Variants in CCDC15 observed in about 807,000 individuals in gnomAD.
CCDC15 encodes the protein coiled-coil domain-containing protein 15.
A neutral mutation model predicts 114.5 loss-of-function variants in CCDC15; 105 were observed. The observed-to-expected ratio is 0.92, with a 90% CI of 0.78 to 1.08. The LOEUF (loss-of-function observed/expected upper bound fraction) is 1.08. CCDC15 is among the 50% of genes least tolerant of loss of function. The pLI, the probability that CCDC15 is intolerant of heterozygous loss-of-function variation, is 0.00. For synonymous variants in CCDC15, 334 were observed against 377.8 expected (o/e 0.88, Z 1.34); for missense variants, 1,105 against 1,093.6 (o/e 1.01, Z -0.15).
chr11:125,011,510 A>G (rs1948593365), intron 13 of CCDC15, among the ~76,000 whole-genome samples: 1 of 152,172 alleles, frequency 6.6e-6, no homozygotes, highest in Non-Finnish European at 1.5e-5. Flanking sequence ...TGCTGGGATT[A>G]CAGGGTTGAG....
At chr11:124,975,240 A>C in intron 5 of CCDC15, 31 bp downstream of exon 5, 1 of 1,274,994 alleles carries the variant, frequency 7.8e-7, no homozygotes, top group South Asian at 1.4e-5. Flanking sequence ...TGATTTAAAA[A>C]AATACAGGTA....
chr11:124,988,040 A>G lies in CCDC15; in HGVS notation c.1814A>G (p.Asp605Gly). The G allele has an allele frequency of 6.2e-7, 1 of 1,613,876 alleles. No individual in the cohort carries two copies. The highest frequency in any genetic ancestry group is 8.5e-7 in the Non-Finnish European group (1 of 1,179,766). ...CAAAATATTCTACCCATATGTCAGGACCGGGATTTTCTACCCAGAGACCTG... is the reference window on the plus strand; with the variant it reads ...CAAAATATTCTACCCATATGTCAGGGCCGGGATTTTCTACCCAGAGACCTG... ...KDQNILPICQ[D>G]RDFLPRDLHV... The change falls in exon 8 of 16, where the codon GAC (aspartate) becomes GGC (glycine). Residue 605 changes from aspartate (D) to glycine (G), a missense_variant. By Grantham distance (94) the Asp-to-Gly change is moderately conservative. Transcript: ENST00000344762.
chr11:124,958,741 T>C (rs1008092721), intron 2 of CCDC15, among the ~76,000 whole-genome samples: 3 of 152,104 alleles, frequency 2.0e-5, no homozygotes, highest in Non-Finnish European at 2.9e-5. Flanking sequence ...AATAGGCCTT[T>C]ACTAGGTGGA....
intron 13 of CCDC15, among the ~76,000 whole-genome samples, chr11:125,020,364 T>C (rs1390584825): frequency 6.6e-6 from 1 of 151,990 alleles, no homozygotes; most frequent in Admixed American, 6.6e-5. Flanking sequence ...TCTAGGTCTC[T>C]TAACTTTGTG....
intron 4 of CCDC15, among the ~76,000 whole-genome samples, chr11:124,961,926 G>T (rs550059542): frequency 2.0e-5 from 3 of 152,270 alleles, no homozygotes; most frequent in Admixed American, 2.0e-4. Flanking sequence ...TTTCTAATTG[G>T]TAGTTTATAA....
chr11:124,957,712 G>A (rs1033067998), intron 2 of CCDC15, among the ~76,000 whole-genome samples: 3 of 152,230 alleles, frequency 2.0e-5, no homozygotes, highest in African/African-American at 4.8e-5. Context: ...TTTGACACTT[G>A]TACACTCCAC....
At chr11:124,999,770 A>T (rs745958867) in intron 11 of CCDC15, among the ~76,000 whole-genome samples, 4 of 145,968 alleles carry the variant, frequency 2.7e-5, no homozygotes, top group Admixed American at 2.1e-4. Context: ...TGGAGTTGGG[A>T]TCTGTTTATT....
intron 11 of CCDC15, among the ~76,000 whole-genome samples, chr11:124,999,356 G>T (rs1315816858): frequency 6.6e-6 from 1 of 151,834 alleles, no homozygotes; most frequent in Non-Finnish European, 1.5e-5. Flanking sequence ...ATTTTTTTAT[G>T]TACTAATTAT....
intron 13 of CCDC15, among the ~76,000 whole-genome samples, chr11:125,008,673 GTTC>G (rs1312613490): frequency 1.3e-5 from 2 of 152,028 alleles, no homozygotes; most frequent in African/African-American, 4.8e-5. Context: ...GGTTGAAGAA[GTTC>G]TTCTCCATCA....
intron 4 of CCDC15, among the ~76,000 whole-genome samples, chr11:124,963,536 A>C (rs1947712113): frequency 6.6e-6 from 1 of 152,180 alleles, no homozygotes; most frequent in African/African-American, 2.4e-5. Context: ...TAGATTCTGG[A>C]TATTACCCCT....
chr11:124,978,884 A>G (rs1359431119), intron 6 of CCDC15, among the ~76,000 whole-genome samples: 1 of 151,566 alleles, frequency 6.6e-6, no homozygotes, highest in Non-Finnish European at 1.5e-5. Context: ...TTCTATGTCC[A>G]GATTGATATT....
At chr11:124,999,506 A>G (rs1279964546) in intron 11 of CCDC15, among the ~76,000 whole-genome samples, 1 of 151,374 alleles carries the variant, frequency 6.6e-6, no homozygotes, top group African/African-American at 2.4e-5. Context: ...GATCATTTAT[A>G]TTGATCCAAT....
intron 13 of CCDC15, among the ~76,000 whole-genome samples, chr11:125,026,419 T>C (rs959867522): frequency 6.6e-6 from 1 of 152,184 alleles, no homozygotes; most frequent in African/African-American, 2.4e-5. Context: ...GTGGCTTCTG[T>C]TGGGGAATGA....
intron 13 of CCDC15, among the ~76,000 whole-genome samples, chr11:125,013,098 A>G (rs1042394466): frequency 6.6e-6 from 1 of 152,200 alleles, no homozygotes; most frequent in African/African-American, 2.4e-5. Flanking sequence ...TACTACCATG[A>G]TAGGATGAGC....
In CCDC15 at chr11:125,005,301, C is replaced by T. The variant is rs185872162; in HGVS notation, c.2411+89C>T. ...CTTTAGAAAAAGGTAATGGTTTTGCCCTCTGATCCATATTGAAAACAGCTA... is the reference window on the plus strand; with the variant it reads ...CTTTAGAAAAAGGTAATGGTTTTGCTCTCTGATCCATATTGAAAACAGCTA... On this transcript the variant is annotated intron_variant, in intron 13 of 15. Transcript: ENST00000344762. 2,266 of 548,638 alleles carry T rather than the reference C, an allele frequency of 4.1e-3. 26 individuals are homozygous for T. Among genetic ancestry groups the T allele is most frequent in the South Asian group, 0.01 (317 of 31,150 alleles). The allele number at this position is 548,638 out of a possible 1,614,324, so 34.0% of individuals were successfully genotyped here. A position where few individuals can be genotyped will look rare whatever the true frequency, so the allele number is the denominator to read the frequency against.
Position 125,038,496 on chromosome 11 carries a change from A to G in CCDC15, c.2477A>G (p.His826Arg), listed in dbSNP as rs375001631. 6 of 1,584,400 alleles carry G rather than the reference A, an allele frequency of 3.8e-6. No individual in the cohort carries two copies. The highest frequency in any genetic ancestry group is 2.3e-5 in the East Asian group (1 of 44,048). ...CAGAGGATCCTAAGAATGAACTTTC[A>G]TGAAGATCCATATTCAGGAGAGAAG... ...AEQRILRMNF[H>R]EDPYSGEKLS... The change falls in exon 14 of 16, where the codon CAT becomes CGT. Residue 826 changes from histidine (H) to arginine (R), a missense_variant. Coordinates refer to ENST00000344762, the MANE Select transcript of CCDC15 (RefSeq NM_025004.3).
chr11:124,978,456 C>T (rs939995519), intron 6 of CCDC15, among the ~76,000 whole-genome samples: 5 of 152,186 alleles, frequency 3.3e-5, no homozygotes, highest in East Asian at 1.9e-4. Flanking sequence ...CCACAATGGC[C>T]GAACTAATTT....
intron 11 of CCDC15, among the ~76,000 whole-genome samples, chr11:124,995,484 A>G (rs1004358784): frequency 6.6e-6 from 1 of 152,178 alleles, no homozygotes; most frequent in Non-Finnish European, 1.5e-5. Flanking sequence ...GCTAGTACCT[A>G]GTAGTCACTT....
At position 124,959,222 on chromosome 11, in the gene CCDC15, T is replaced by C; in HGVS notation, c.285T>C (p.Ile95=). 3 of 1,582,824 alleles carry C rather than the reference T, an allele frequency of 1.9e-6. No individual in the cohort carries two copies. The highest frequency in any genetic ancestry group is 2.6e-6 in the Non-Finnish European group (3 of 1,169,308). ...KQVKYRVNQQ[I]RLRKKQQLQK... is the part of the protein sequence containing the mutation. ...TTAAATACCGAGTAAATCAACAAATTAGGTTGAGAAAAAAGCAACAGCTTC... is the reference window on the plus strand; with the variant it reads ...TTAAATACCGAGTAAATCAACAAATCAGGTTGAGAAAAAAGCAACAGCTTC... Residue 95 remains isoleucine, a synonymous_variant, in exon 3 of 16, where the codon ATT becomes ATC. Transcript: ENST00000344762.
Sources: gnomAD v4.1 joint callset for allele counts (sites outside exome capture counted in the v4.1 genomes callset) on GRCh38, gnomAD v4.1.1 for gene constraint, MANE v1.5 for transcripts, NCBI Gene and HGNC (gene_info 2026-07-23, HGNC 2026-07-21) for gene names.